Variants in TRPM3 observed in about 807,000 individuals in gnomAD.
TRPM3 encodes the protein long transient receptor potential channel 3.
A neutral mutation model predicts 181.2 loss-of-function variants in TRPM3; 77 were observed. That is an observed-to-expected ratio of 0.42 (90% CI 0.35 to 0.51). The LOEUF (loss-of-function observed/expected upper bound fraction) is 0.51, where lower values mean the gene tolerates loss of function less well. Ranked by LOEUF, TRPM3 falls within the 20% of genes least tolerant of loss-of-function variation. The pLI is 0.01. For missense variants in TRPM3, 1,759 were observed against 2,196.7 expected, an observed-to-expected ratio of 0.80 and a Z score of 3.98; for synonymous variants, 745 against 796.4, an observed-to-expected ratio of 0.94 and a Z score of 1.09.
At chr9:70,889,259 T>G (rs763823479) in intron 1 of TRPM3, among the ~76,000 whole-genome samples, 3 of 152,152 alleles carry the variant, frequency 2.0e-5, no homozygotes, top group Admixed American at 6.5e-5. Context: ...CCTCTCCACA[T>G]AGCCAGGAAA....
chr9:71,054,868 C>T (rs768346157), intron 1 of TRPM3, among the ~76,000 whole-genome samples: 6 of 152,084 alleles, frequency 3.9e-5, no homozygotes, highest in Non-Finnish European at 8.8e-5. Context: ...GTCCCCATTT[C>T]CATTCTATAA....
chr9:71,043,485 G>A (rs1172773323), intron 1 of TRPM3, among the ~76,000 whole-genome samples: 5 of 152,142 alleles, frequency 3.3e-5, no homozygotes, highest in African/African-American at 1.2e-4. Context: ...GGGTACAATA[G>A]GAAGGAAAAC....
chr9:70,852,229 A>C (rs925487570), intron 3 of TRPM3, among the ~76,000 whole-genome samples: 54 of 151,424 alleles, frequency 3.6e-4, no homozygotes, highest in African/African-American at 1.3e-3. Flanking sequence ...TTTACTGTGC[A>C]CCAGGCACAT....
chr9:70,680,908 A>G (rs201763627), intron 9 of TRPM3, among the ~76,000 whole-genome samples: 1 of 152,214 alleles, frequency 6.6e-6, no homozygotes, highest in African/African-American at 2.4e-5. Context: ...ACTTTGTAGT[A>G]TTGGGACTAG....
chr9:70,886,080 T>C (rs2096076987), intron 1 of TRPM3, among the ~76,000 whole-genome samples: 1 of 152,204 alleles, frequency 6.6e-6, no homozygotes, highest in Non-Finnish European at 1.5e-5. Context: ...ATGTTAACCA[T>C]CAACATTTTA....
At chr9:70,971,649 A>T (rs575234817) in intron 1 of TRPM3, among the ~76,000 whole-genome samples, 7 of 152,314 alleles carry the variant, frequency 4.6e-5, no homozygotes, top group Admixed American at 4.6e-4. Flanking sequence ...TCTATGAAAA[A>T]ATGAGATAAA....
At chr9:71,294,317 C>T (rs745403120) in intron 1 of TRPM3, among the ~76,000 whole-genome samples, 3 of 152,058 alleles carry the variant, frequency 2.0e-5, no homozygotes, top group Non-Finnish European at 2.9e-5. Flanking sequence ...GAAAAACACA[C>T]AAACATTTCC....
At chr9:70,580,970 G>A (rs545964028) in intron 22 of TRPM3, among the ~76,000 whole-genome samples, 27 of 152,252 alleles carry the variant, frequency 1.8e-4, no homozygotes, top group Admixed American at 1.1e-3. Flanking sequence ...CTCCCATCTC[G>A]TGGCACAGAG....
intron 22 of TRPM3, among the ~76,000 whole-genome samples, chr9:70,569,528 C>G (rs1389465658): frequency 6.6e-6 from 1 of 152,146 alleles, no homozygotes; most frequent in Non-Finnish European, 1.5e-5. Flanking sequence ...ATGCACTGCT[C>G]TAACTGGTCC....
At chr9:70,909,185 G>A (rs2096508257) in intron 1 of TRPM3, among the ~76,000 whole-genome samples, 1 of 152,216 alleles carries the variant, frequency 6.6e-6, no homozygotes, top group African/African-American at 2.4e-5. Flanking sequence ...TGATTGCTTA[G>A]TTTCCAGACA....
At chr9:70,998,196 T>C (rs2097562103) in intron 1 of TRPM3, among the ~76,000 whole-genome samples, 1 of 144,940 alleles carries the variant, frequency 6.9e-6, no homozygotes, top group South Asian at 2.1e-4. Context: ...TATATACACA[T>C]ATATACATAT....
intron 1 of TRPM3, among the ~76,000 whole-genome samples, chr9:71,084,603 A>G (rs780663635): frequency 6.6e-5 from 10 of 152,084 alleles, no homozygotes; most frequent in East Asian, 1.9e-4. Context: ...ACTACAAAAC[A>G]CTAATAAAAG....
At chr9:70,700,052 G>A (rs1199691745) in intron 8 of TRPM3, among the ~76,000 whole-genome samples, 1 of 152,106 alleles carries the variant, frequency 6.6e-6, no homozygotes, top group African/African-American at 2.4e-5. Context: ...GTGTGATCTT[G>A]GTTCACTGCA....
intron 1 of TRPM3, among the ~76,000 whole-genome samples, chr9:71,151,064 A>G (rs1587665156): frequency 6.6e-6 from 1 of 152,172 alleles, no homozygotes; most frequent in African/African-American, 2.4e-5. Context: ...CCAAATAAAT[A>G]CCAGTTAAAA....
intron 8 of TRPM3, among the ~76,000 whole-genome samples, chr9:70,756,225 C>T (rs781251255): frequency 3.3e-5 from 5 of 151,528 alleles, no homozygotes; most frequent in African/African-American, 9.7e-5. Context: ...TTAAACCAAC[C>T]GAGACCGAAA....
intron 1 of TRPM3, among the ~76,000 whole-genome samples, chr9:70,938,803 A>C (rs2096855063): frequency 3.3e-5 from 5 of 151,802 alleles, no homozygotes; most frequent in Admixed American, 6.6e-5. Flanking sequence ...AATACACACA[A>C]AAAAATTAGC....
chr9:71,418,628 A>G (rs1042191589), intron 1 of TRPM3, among the ~76,000 whole-genome samples: 1 of 151,636 alleles, frequency 6.6e-6, no homozygotes, highest in Non-Finnish European at 1.5e-5. Context: ...ATAATCAATC[A>G]TCACTAGTGA....
chr9:70,869,426 C>G (rs2095739743), intron 1 of TRPM3, among the ~76,000 whole-genome samples: 1 of 134,186 alleles, frequency 7.5e-6, no homozygotes, highest in South Asian at 2.5e-4. Flanking sequence ...GAAAGTTCAA[C>G]TTTGGAAAGC....
At chr9:71,259,663 T>G (rs1173319573) in intron 1 of TRPM3, among the ~76,000 whole-genome samples, 1 of 152,182 alleles carries the variant, frequency 6.6e-6, no homozygotes, top group African/African-American at 2.4e-5. Flanking sequence ...CCTTTTTTTT[T>G]GCATGTTTGT....
Sources: allele counts gnomAD v4.1 joint callset (sites outside exome capture counted in the v4.1 genomes callset), GRCh38; gene constraint gnomAD v4.1.1; transcripts MANE v1.5; gene names NCBI Gene and HGNC (gene_info 2026-07-23, HGNC 2026-07-21).